LRRC1: variants seen among roughly 807,000 people sequenced by gnomAD.
The protein encoded by LRRC1 is leucine rich repeat containing 1.
LRRC1 carries 28 observed loss-of-function variants against 69.9 expected under a neutral mutation model. The observed-to-expected ratio is 0.40, with a 90% CI of 0.30 to 0.55. The LOEUF is 0.55. Ranked by LOEUF, LRRC1 falls within the 20% of genes least tolerant of loss-of-function variation. The pLI is 0.47. For synonymous variants in LRRC1, 236 were observed against 240.2 expected, an observed-to-expected ratio of 0.98 and a Z score of 0.16; for missense variants, 498 against 609.0, an observed-to-expected ratio of 0.82 and a Z score of 1.92.
intron 1 of LRRC1, among the ~76,000 whole-genome samples, chr6:53,833,044 A>G (rs1415132529): frequency 2.0e-5 from 3 of 151,992 alleles, no homozygotes; most frequent in African/African-American, 4.8e-5. Context: ...TTTCAGTTCG[A>G]TATCTTTTTT....
chr6:53,815,183 C>T, intron 1 of LRRC1, among the ~76,000 whole-genome samples: 1 of 152,214 alleles, frequency 6.6e-6, no homozygotes, highest in Non-Finnish European at 1.5e-5. Context: ...TTAGCTAGTG[C>T]CCCAGGTGAC....
At chr6:53,804,033 T>C (rs954329400) in intron 1 of LRRC1, among the ~76,000 whole-genome samples, 2 of 152,218 alleles carry the variant, frequency 1.3e-5, no homozygotes, top group African/African-American at 4.8e-5. Flanking sequence ...CTCTGACTGC[T>C]TGACTTGATC....
chr6:53,893,799 A>G (rs576744806), intron 4 of LRRC1, among the ~76,000 whole-genome samples: 3 of 152,246 alleles, frequency 2.0e-5, no homozygotes, highest in Admixed American at 2.0e-4. Flanking sequence ...AACAGTAGAA[A>G]CTTAAGAGGT....
At chr6:53,849,935 G>C (rs1766073275) in intron 2 of LRRC1, among the ~76,000 whole-genome samples, 1 of 152,024 alleles carries the variant, frequency 6.6e-6, no homozygotes, top group Admixed American at 6.6e-5. Context: ...CCAGACTGGG[G>C]GATAGAGCAA....
At chr6:53,805,803 C>T (rs1466262987) in intron 1 of LRRC1, among the ~76,000 whole-genome samples, 1 of 152,180 alleles carries the variant, frequency 6.6e-6, no homozygotes, top group African/African-American at 2.4e-5. Context: ...GCTTCCTTCA[C>T]ATCCTTTCTC....
At chr6:53,840,151 A>G (rs891082783) in intron 1 of LRRC1, among the ~76,000 whole-genome samples, 1 of 152,058 alleles carries the variant, frequency 6.6e-6, no homozygotes, top group Non-Finnish European at 1.5e-5. Context: ...ACATATTTTG[A>G]TGGAGTCCTG....
intron 3 of LRRC1, among the ~76,000 whole-genome samples, chr6:53,882,210 T>A (rs1767314397): frequency 6.6e-6 from 1 of 152,106 alleles, no homozygotes; most frequent in Admixed American, 6.5e-5. Context: ...TATCTGGGCG[T>A]GGTGGCGCGT....
chr6:53,859,712 A>G lies in LRRC1; in HGVS notation c.277+17485A>G, dbSNP rs988963827. Among the ~76,000 whole-genome samples the G allele has an allele frequency of 3.9e-5, 6 of 152,312 alleles. No individual in the cohort carries two copies. The East Asian group carries it at 9.6e-4, about 24-fold the overall frequency. The stretch of plus-strand genomic sequence containing the variant: ...CTGCCAGGGTAGGGAGAGTCTGGAA[A>G]TAGGAGGGGCAGGTTGTTGACTTTT... On this transcript the variant is annotated intron_variant, in intron 2 of 13. Coordinates refer to ENST00000370888, the MANE Select transcript of LRRC1 (RefSeq NM_018214.5).
intron 1 of LRRC1, among the ~76,000 whole-genome samples, chr6:53,817,398 G>T (rs1006354905): frequency 1.3e-5 from 2 of 152,062 alleles, no homozygotes; most frequent in Non-Finnish European, 2.9e-5. Flanking sequence ...ATTAAATCAA[G>T]CTAATTAACA....
chr6:53,815,350 A>G (rs992546759), intron 1 of LRRC1, among the ~76,000 whole-genome samples: 3 of 152,104 alleles, frequency 2.0e-5, no homozygotes, highest in African/African-American at 7.2e-5. Flanking sequence ...CTCACCTTTA[A>G]GTGAGGATGA....
At chr6:53,825,392 G>A (rs1484218559) in intron 1 of LRRC1, among the ~76,000 whole-genome samples, 1 of 152,212 alleles carries the variant, frequency 6.6e-6, no homozygotes, top group Non-Finnish European at 1.5e-5. Context: ...GCAGTGGTCA[G>A]TCCTGCTAGA....
At chr6:53,823,899 C>T (rs554374083) in intron 1 of LRRC1, among the ~76,000 whole-genome samples, 26 of 152,248 alleles carry the variant, frequency 1.7e-4, no homozygotes, top group South Asian at 8.3e-4. Flanking sequence ...CATTGAGGGA[C>T]ATTTAGGTTG....
At chr6:53,882,839 C>T in intron 3 of LRRC1, 48 bp from the exon 4 acceptor site, 1 of 1,178,488 alleles carries the variant, frequency 8.5e-7, no homozygotes. Flanking sequence ...ATACACTATA[C>T]ATGAACTTTT....
In LRRC1 at chr6:53,923,506, C is replaced by G. The variant is rs1303732984; in HGVS notation, c.*713C>G. On this transcript the variant is annotated 3_prime_UTR_variant, in exon 14 of 14. Coordinates refer to ENST00000370888, the MANE Select transcript of LRRC1 (RefSeq NM_018214.5). ...GTGTTGCATTTTAATCAGTAATCTA[C>G]CTGGTGGATTTGTTTTTAACCAAAA... 1 of 152,558 alleles carries G rather than the reference C, an allele frequency of 6.6e-6. No homozygotes were observed. The highest frequency in any genetic ancestry group is 1.5e-5 in the Non-Finnish European group (1 of 68,026). 9.5% of individuals were successfully genotyped at this position (152,558 alleles called of 1,614,324 possible).
At chr6:53,820,389 A>G (rs1022870352) in intron 1 of LRRC1, among the ~76,000 whole-genome samples, 33 of 148,428 alleles carry the variant, frequency 2.2e-4, no homozygotes, top group African/African-American at 7.5e-4. Context: ...AGGTAAGTCA[A>G]TGTGTGTACA....
At chr6:53,831,030 CATA>C (rs1485433736) in intron 1 of LRRC1, among the ~76,000 whole-genome samples, 2 of 150,440 alleles carry the variant, frequency 1.3e-5, no homozygotes, top group African/African-American at 2.4e-5. Context: ...TTTGCACCAA[CATA>C]ATAAAATCAC....
At chr6:53,881,278 T>C (rs189228469) in intron 3 of LRRC1, among the ~76,000 whole-genome samples, 2 of 152,240 alleles carry the variant, frequency 1.3e-5, no homozygotes, top group Non-Finnish European at 2.9e-5. Context: ...ATCATACAGC[T>C]AATGAGTGGG....
At chr6:53,922,221 G>C (rs1348773593) in intron 13 of LRRC1, among the ~76,000 whole-genome samples, 3 of 151,998 alleles carry the variant, frequency 2.0e-5, no homozygotes, top group Non-Finnish European at 4.4e-5. Flanking sequence ...AGCCAGAATC[G>C]CTTTGGGTAA....
rs768328659 is a variant in LRRC1, at chr6:53,922,738, A to G, written c.1520A>G (p.Asp507Gly). ...GACATGAATGCTGCTAAAGGACTGGACTCAAACAAAAACGAGGTCAATCAT... is the reference window on the plus strand; with the variant it reads ...GACATGAATGCTGCTAAAGGACTGGGCTCAAACAAAAACGAGGTCAATCAT... ...RNDMNAAKGL[D>G]SNKNEVNHAI... Residue 507 changes from aspartate to glycine, a missense_variant, in exon 14 of 14, where the codon GAC becomes GGC. By Grantham distance (94) the Asp-to-Gly change is moderately conservative. Around this residue, in one of 3 missense-constraint regions of LRRC1, gnomAD observed 162 missense variants for 162.9 expected, o/e 0.99. Transcript: ENST00000370888. 1.2e-6 allele frequency: 2 copies of G among 1,614,100 alleles called. No homozygotes were observed. The highest frequency in any genetic ancestry group is 1.7e-6 in the Non-Finnish European group (2 of 1,179,970).
Sources: allele counts gnomAD v4.1 joint callset (sites outside exome capture counted in the v4.1 genomes callset), GRCh38; gene constraint gnomAD v4.1.1; regional missense constraint gnomAD v4.1.1; transcripts MANE v1.5; gene names NCBI Gene and HGNC (gene_info 2026-07-23, HGNC 2026-07-21).